The following NHLRC2 variants were observed in gnomAD, a reference collection of about 807,000 sequenced individuals.
The protein encoded by NHLRC2 is NHL repeat containing 2.
Under a neutral mutation model 68.1 loss-of-function variants are expected in NHLRC2, and 33 were observed. The observed-to-expected ratio is 0.48, with a 90% CI of 0.37 to 0.65. NHLRC2 has a LOEUF of 0.65. Ranked by LOEUF, NHLRC2 falls within the 30% of genes least tolerant of loss-of-function variation. The pLI is 0.00. For synonymous variants in NHLRC2, 311 were observed against 309.6 expected, an observed-to-expected ratio of 1.00 and a Z score of -0.05; for missense variants, 761 against 853.8, an observed-to-expected ratio of 0.89 and a Z score of 1.35.
chr10:113,879,739 A>G (rs1282761769), intron 4 of NHLRC2, 44 bp downstream of exon 4: 1 of 1,230,814 alleles, frequency 8.1e-7, no homozygotes, highest in Non-Finnish European at 1.1e-6. Context: ...CAATCAGAAA[A>G]AGGAAATGTA....
At position 113,854,692 on chromosome 10, in the gene NHLRC2, T is replaced by G; in HGVS notation, c.-181T>G. On this transcript the variant is annotated 5_prime_UTR_variant, in exon 1 of 11. Transcript: ENST00000369301. ...ATTACGTCCCCGGGAACTGCGCCGATTTGGACTTTTGGCACTTGGACCTAT... is the reference window on the plus strand; with the variant it reads ...ATTACGTCCCCGGGAACTGCGCCGAGTTGGACTTTTGGCACTTGGACCTAT... 1.6e-5 allele frequency: 9 copies of G among 560,876 alleles called. No homozygotes were observed. The highest frequency in any genetic ancestry group is 1.9e-5 in the Non-Finnish European group (6 of 320,382). The allele number at this position is 560,876 out of a possible 1,614,324, so 34.7% of individuals were successfully genotyped here.
rs570457363 is a variant in NHLRC2 at position 113,865,256 on chromosome 10, A to G, written c.331+6576A>G. 1.0e-4 allele frequency among the ~76,000 whole-genome samples: 15 copies of G among 150,316 alleles called. No individual in the cohort carries two copies. In the East Asian group the frequency reaches 3.0e-3, roughly 30 times the overall value. On this transcript the variant is annotated intron_variant, in intron 2 of 10. Coordinates refer to ENST00000369301, the MANE Select transcript of NHLRC2 (RefSeq NM_198514.4). ...GAGCCACCGCGCCCGGCCACAAATG[A>G]GAGGTTTTTAAAAATCGCTTTTCAT...
intron 10 of NHLRC2, among the ~76,000 whole-genome samples, chr10:113,906,908 G>A (rs924172557): frequency 2.0e-4 from 31 of 152,146 alleles, no homozygotes; most frequent in Admixed American, 3.9e-4. Flanking sequence ...GCGTGAACCC[G>A]GGAGGGAGGC....
At chr10:113,858,122 A>G (rs779545904) in intron 1 of NHLRC2, among the ~76,000 whole-genome samples, 1 of 145,634 alleles carries the variant, frequency 6.9e-6, no homozygotes, top group Non-Finnish European at 1.5e-5. Flanking sequence ...GAAAGAATTT[A>G]GTAGCTTTTT....
At chr10:113,863,510 CAAG>C (rs1246515679) in intron 2 of NHLRC2, among the ~76,000 whole-genome samples, 1 of 151,928 alleles carries the variant, frequency 6.6e-6, no homozygotes, top group Non-Finnish European at 1.5e-5. Flanking sequence ...TATTAAAAAA[CAAG>C]AAATAACTTA....
intron 5 of NHLRC2, 53 bp from the exon 6 acceptor site, chr10:113,898,057 G>C (rs965712583): frequency 1.0e-6 from 1 of 998,562 alleles, no homozygotes; most frequent in Non-Finnish European, 1.5e-6. Flanking sequence ...AACCATTGGA[G>C]TGTTTGTATT....
intron 5 of NHLRC2, among the ~76,000 whole-genome samples, chr10:113,888,528 G>A (rs1483984288): frequency 6.6e-6 from 1 of 152,100 alleles, no homozygotes; most frequent in Non-Finnish European, 1.5e-5. Flanking sequence ...AAATGCATGT[G>A]TTTATGTATT....
intron 2 of NHLRC2, among the ~76,000 whole-genome samples, chr10:113,866,574 A>G (rs942910231): frequency 6.6e-6 from 1 of 152,178 alleles, no homozygotes; most frequent in Non-Finnish European, 1.5e-5. Context: ...TCTTATTACT[A>G]TTGAGTAAAT....
chr10:113,887,495 C>T (rs911165139), intron 5 of NHLRC2, among the ~76,000 whole-genome samples: 1 of 152,182 alleles, frequency 6.6e-6, no homozygotes, highest in Non-Finnish European at 1.5e-5. Context: ...TAAGGCTGGG[C>T]ATGGTGGCTC....
rs566806367 is a variant in NHLRC2, at chr10:113,908,484, C to T, written c.2129C>T (p.Thr710Met). The change falls in exon 11 of 11, where the codon ACG becomes ATG. Residue 710 changes from threonine (T) to methionine (M), a missense_variant. Thr to Met is a moderately conservative substitution (Grantham distance 81). Transcript: ENST00000369301. ...TTGTTCAGTCAGCCTTTACAAATAA[C>T]GGATACACAGCAAGGTTGCATAGCT... Reference protein sequence around the residue: ...AILFSQPLQITDTQQGCIAPV... With the variant: ...AILFSQPLQIMDTQQGCIAPV... The T allele has an allele frequency of 2.3e-5, 37 of 1,613,936 alleles. No homozygotes were observed. The highest frequency in any genetic ancestry group is 1.5e-4 in the Admixed American group (9 of 60,012).
rs777918804 is a variant in NHLRC2, at chr10:113,876,636, A to C, written c.447A>C (p.Ala149=). The change falls in exon 3 of 11, where the codon GCA becomes GCC. Residue 149 remains alanine (A), a synonymous_variant. Transcript: ENST00000369301. Reference sequence around the variant, plus strand: ...TCACCCACCCTATGGTTAATGATGCAGATGCCAGCCTTTGGCAAGAACTAG... The same window carrying C: ...TCACCCACCCTATGGTTAATGATGCCGATGCCAGCCTTTGGCAAGAACTAG... ...YNITHPMVND[A]DASLWQELEV... is the part of the protein sequence containing the mutation. 9.3e-6 allele frequency: 15 copies of C among 1,613,760 alleles called. No individual in the cohort carries two copies. The highest frequency in any genetic ancestry group is 1.1e-5 in the Non-Finnish European group (13 of 1,179,832).
chr10:113,856,288 T>C (rs1175787672), intron 1 of NHLRC2, among the ~76,000 whole-genome samples: 2 of 152,162 alleles, frequency 1.3e-5, no homozygotes, highest in Non-Finnish European at 2.9e-5. Context: ...AGTTAATTGG[T>C]TGGATGTGGC....
intron 2 of NHLRC2, 133 bp from the exon 3 acceptor site, chr10:113,876,388 C>T: frequency 3.8e-6 from 2 of 526,704 alleles, no homozygotes; most frequent in South Asian, 6.5e-5. Flanking sequence ...TTGAAGATCC[C>T]AGCGTAGTTC....
chr10:113,858,752 C>T, intron 2 of NHLRC2, 72 bp downstream of exon 2: 1 of 1,036,890 alleles, frequency 9.6e-7, no homozygotes. Context: ...GACTCATTAG[C>T]TCATAGGAGA....
intron 1 of NHLRC2, among the ~76,000 whole-genome samples, chr10:113,857,768 C>T (rs1845773730): frequency 6.6e-6 from 1 of 152,076 alleles, no homozygotes; most frequent in Admixed American, 6.5e-5. Flanking sequence ...AATGTTACCT[C>T]AATGAAATCT....
chr10:113,880,924 C>T (rs1436126017), intron 4 of NHLRC2, among the ~76,000 whole-genome samples: 2 of 151,820 alleles, frequency 1.3e-5, no homozygotes, highest in African/African-American at 4.8e-5. Flanking sequence ...AGACTTTCTT[C>T]CAGACTTAAA....
chr10:113,905,601 A>C (rs933137935), intron 10 of NHLRC2, among the ~76,000 whole-genome samples: 29 of 152,222 alleles, frequency 1.9e-4, no homozygotes, highest in African/African-American at 5.8e-4. Flanking sequence ...TTAGTGGTTC[A>C]GAACTTCTAA....
At chr10:113,907,868 T>G (rs1174583688) in intron 10 of NHLRC2, among the ~76,000 whole-genome samples, 1 of 152,198 alleles carries the variant, frequency 6.6e-6, no homozygotes, top group Non-Finnish European at 1.5e-5. Flanking sequence ...ATTTTGTAGT[T>G]TTTATATCCC....
At chr10:113,875,335 C>T (rs902864078) in intron 2 of NHLRC2, among the ~76,000 whole-genome samples, 1 of 152,042 alleles carries the variant, frequency 6.6e-6, no homozygotes, top group Non-Finnish European at 1.5e-5. Flanking sequence ...AAATCTGTTC[C>T]CTGTACTGTA....
Sources: gnomAD v4.1 joint callset for allele counts (sites outside exome capture counted in the v4.1 genomes callset) on GRCh38, gnomAD v4.1.1 for gene constraint, MANE v1.5 for transcripts, NCBI Gene and HGNC (gene_info 2026-07-23, HGNC 2026-07-21) for gene names.